Variants in ANGPTL3 observed in about 807,000 individuals in gnomAD.
ANGPTL3 encodes the protein angiopoietin-related protein 3.
ANGPTL3 carries 51 observed loss-of-function variants against 52.7 expected under a neutral mutation model. The observed-to-expected ratio is 0.97, with a 90% CI of 0.77 to 1.22. ANGPTL3 has a LOEUF of 1.22. Ranked by LOEUF, ANGPTL3 falls within the 50% of genes most tolerant of loss-of-function variation. The pLI is 0.00. For missense variants in ANGPTL3, 506 were observed against 520.7 expected (o/e 0.97, Z 0.27); for synonymous variants, 185 against 179.8 (o/e 1.03, Z -0.23).
At position 62,601,861 on chromosome 1, in the gene ANGPTL3, G is replaced by A; in HGVS notation, c.814G>A (p.Val272Ile). The part of the protein sequence containing the change: ...IRPSNSQVFH[V>I]YCDVISGSPW... ...ACCCAGCAACTCTCAAGTTTTTCAT[G>A]TCTACTGTGATGTTATATCAGGTAA... The change falls in exon 4 of 7, where the codon GTC becomes ATC. Residue 272 changes from valine (V) to isoleucine (I), a missense_variant. Val to Ile is a conservative substitution (Grantham distance 29). Coordinates refer to ENST00000371129, the MANE Select transcript of ANGPTL3 (RefSeq NM_014495.4). 6.2e-7 allele frequency: 1 copy of A among 1,608,366 alleles called. No individual in the cohort carries two copies. Among genetic ancestry groups the A allele is most frequent in the Non-Finnish European group, 8.5e-7 (1 of 1,175,772 alleles).
In ANGPTL3 at chr1:62,602,326, C is replaced by G. The variant is rs750916252; in HGVS notation, c.877C>G (p.Gln293Glu). 1 of 1,610,818 alleles carries G rather than the reference C, an allele frequency of 6.2e-7. No homozygotes were observed. The highest frequency in any genetic ancestry group is 1.1e-5 in the South Asian group (1 of 90,992). The change falls in exon 5 of 7, where the codon CAA becomes GAA. Residue 293 changes from glutamine (Q) to glutamate (E), a missense_variant. By Grantham distance (29) the Gln-to-Glu change is conservative. Transcript: ENST00000371129. ...AATTCAACATCGAATAGATGGATCA[C>G]AAAACTTCAATGAAACGTGGGAGAA... ...TLIQHRIDGS[Q>E]NFNETWENYK...
chr1:62,600,923 A>T lies in ANGPTL3; in HGVS notation c.607-159A>T, dbSNP rs140964112. The T allele has an allele frequency of 3.1e-5, 18 of 580,906 alleles. No homozygotes were observed. The Admixed American group carries it at 3.9e-4, about 13-fold the overall frequency. The allele number at this position is 580,906 out of a possible 1,614,324, so 36.0% of individuals were successfully genotyped here. A position where few individuals can be genotyped will look rare whatever the true frequency, so the allele number is the denominator to read the frequency against. ...CTGATTAAATATTTTGAGAACAGGT[A>T]ATCTGTACAATCTGAATAACACTGT... On this transcript the variant is annotated intron_variant, in intron 2 of 6. Coordinates refer to ENST00000371129, the MANE Select transcript of ANGPTL3 (RefSeq NM_014495.4).
At chr1:62,603,344 A>T (rs1650436583) in intron 5 of ANGPTL3, among the ~76,000 whole-genome samples, 1 of 151,770 alleles carries the variant, frequency 6.6e-6, no homozygotes, top group Non-Finnish European at 1.5e-5. Flanking sequence ...AATAAAAAGG[A>T]TTGTGATGAA....
intron 2 of ANGPTL3, among the ~76,000 whole-genome samples, chr1:62,599,529 C>A (rs1010650310): frequency 2.6e-5 from 4 of 152,028 alleles, no homozygotes; most frequent in Non-Finnish European, 4.4e-5. Flanking sequence ...TTTAACATAA[C>A]ATAAATTTTA....
rs771568326 is a variant in ANGPTL3 at position 62,604,078 on chromosome 1, T to G, written c.1041T>G (p.Tyr347Ter). 2.5e-6 allele frequency: 4 copies of G among 1,613,232 alleles called. No homozygotes were observed. In the African/African-American group the frequency reaches 5.3e-5, roughly 22 times the overall value. Residue 347 changes from tyrosine (Y) to a stop codon, truncating the protein, a stop_gained, in exon 6 of 7, where the codon TAT becomes TAG. Coordinates refer to ENST00000371129, the MANE Select transcript of ANGPTL3 (RefSeq NM_014495.4). LOFTEE classifies it high-confidence loss of function. ...DWKDNKHYIE[Y>*]SFYLGNHETN... ...AAGACAACAAACATTATATTGAATA[T>G]TCTTTTTACTTGGGAAATCACGAAA...
chr1:62,598,799 A>G lies in ANGPTL3; in HGVS notation c.599A>G (p.Glu200Gly). Reference protein sequence around the residue: ...NQQHSQIKEIENQLRRTSIQE... With the variant: ...NQQHSQIKEIGNQLRRTSIQE... The stretch of plus-strand genomic sequence containing the variant: ...CAGCATAGTCAAATAAAAGAAATAG[A>G]AAATCAGGTAAGTCAGTATTTTAAT... The change falls in exon 2 of 7, where the codon GAA (glutamate) becomes GGA (glycine). Residue 200 changes from glutamate to glycine, a missense_variant. Transcript: ENST00000371129. 1 of 1,578,230 alleles carries G rather than the reference A, an allele frequency of 6.3e-7. No individual in the cohort carries two copies. The highest frequency in any genetic ancestry group is 8.7e-7 in the Non-Finnish European group (1 of 1,148,042).
At chr1:62,598,841 C>A in intron 2 of ANGPTL3, 35 bp downstream of exon 2, 1 of 1,276,348 alleles carries the variant, frequency 7.8e-7, no homozygotes, top group Non-Finnish European at 1.1e-6. Flanking sequence ...TCCCATCTTT[C>A]ACACAGGTCT....
rs1307344614 is a variant in ANGPTL3 at position 62,601,870 on chromosome 1, G to T, written c.823G>T (p.Asp275Tyr). The T allele has an allele frequency of 6.2e-7, 1 of 1,605,920 alleles. No homozygotes were observed. Among genetic ancestry groups the T allele is most frequent in the South Asian group, 1.1e-5 (1 of 90,876 alleles). Residue 275 changes from aspartate to tyrosine, a missense_variant, in exon 4 of 7, where the codon GAT becomes TAT. Transcript: ENST00000371129. ...CTCTCAAGTTTTTCATGTCTACTGT[G>T]ATGTTATATCAGGTAAAACCTGTCT... Reference protein sequence around the residue: ...SNSQVFHVYCDVISGSPWTLI... With the variant: ...SNSQVFHVYCYVISGSPWTLI...
chr1:62,603,451 TA>T (rs1650457301), intron 5 of ANGPTL3, among the ~76,000 whole-genome samples: 1 of 151,816 alleles, frequency 6.6e-6, no homozygotes, highest in Admixed American at 6.6e-5. Context: ...CTTTTAAATT[TA>T]AAATGATTTT....
intron 2 of ANGPTL3, among the ~76,000 whole-genome samples, chr1:62,600,731 A>G (rs1433450119): frequency 6.6e-6 from 1 of 151,804 alleles, no homozygotes; most frequent in African/African-American, 2.4e-5. Context: ...GAAAATTATT[A>G]AACTTAAAAT....
chr1:62,604,609 A>G (rs751016555), intron 6 of ANGPTL3, 24 bp from the exon 7 acceptor site: 2 of 1,609,128 alleles, frequency 1.2e-6, no homozygotes, highest in Non-Finnish European at 1.7e-6. Flanking sequence ...TGTACCCATT[A>G]AATTGCATAT....
intron 6 of ANGPTL3, 180 bp downstream of exon 6, chr1:62,604,415 C>A: frequency 1.1e-6 from 1 of 896,344 alleles, no homozygotes; most frequent in Non-Finnish European, 1.7e-6. Context: ...AGGTATTTTA[C>A]CTCTAATCTT....
chr1:62,600,617 AGATATGTTTACAGG>A (rs1447170597), intron 2 of ANGPTL3, among the ~76,000 whole-genome samples: 1 of 151,872 alleles, frequency 6.6e-6, no homozygotes, highest in Non-Finnish European at 1.5e-5. Context: ...CAACATCTAC[AGATATGTTTACAGG>A]TCAAAAATTA....
intron 2 of ANGPTL3, among the ~76,000 whole-genome samples, chr1:62,600,727 T>G (rs1649986707): frequency 6.6e-6 from 1 of 151,748 alleles, no homozygotes; most frequent in South Asian, 2.1e-4. Context: ...AACTGAAAAT[T>G]ATTAAACTTA....
At chr1:62,602,242 C>A in intron 4 of ANGPTL3, 43 bp from the exon 5 acceptor site, 1 of 1,473,024 alleles carries the variant, frequency 6.8e-7, no homozygotes, top group Non-Finnish European at 9.5e-7. Context: ...CATCTGTCAA[C>A]ATAAATCTAC....
In ANGPTL3 at chr1:62,601,123, A is replaced by G. The variant is rs918815971; in HGVS notation, c.648A>G (p.Leu216=). The G allele has an allele frequency of 2.5e-6, 4 of 1,610,432 alleles. No homozygotes were observed. The highest frequency in any genetic ancestry group is 3.3e-5 in the Admixed American group (2 of 59,854). ...TSIQEPTEIS[L]SSKPRAPRTT... The stretch of plus-strand genomic sequence containing the variant: ...TTCAAGAACCCACAGAAATTTCTCT[A>G]TCTTCCAAGCCAAGAGCACCAAGAA... The change falls in exon 3 of 7, where the codon CTA becomes CTG. Residue 216 remains leucine, a synonymous_variant. Coordinates refer to ENST00000371129, the MANE Select transcript of ANGPTL3 (RefSeq NM_014495.4).
chr1:62,603,866 C>T (rs1416765211), intron 5 of ANGPTL3, 103 bp from the exon 6 acceptor site: 1 of 1,114,888 alleles, frequency 9.0e-7, no homozygotes, highest in Non-Finnish European at 1.3e-6. Flanking sequence ...GGATTCAAGA[C>T]TAAACAACTC....
chr1:62,603,351 TGAA>T (rs1387702503), intron 5 of ANGPTL3, among the ~76,000 whole-genome samples: 1 of 151,800 alleles, frequency 6.6e-6, no homozygotes, highest in Non-Finnish European at 1.5e-5. Flanking sequence ...AGGATTGTGA[TGAA>T]GAACAATCTA....
At chr1:62,602,690 T>G (rs1488328891) in intron 5 of ANGPTL3, among the ~76,000 whole-genome samples, 1 of 151,694 alleles carries the variant, frequency 6.6e-6, no homozygotes, top group Admixed American at 6.6e-5. Flanking sequence ...ATGTCATAAG[T>G]AGTAACTGTT....
Sources: gnomAD v4.1 joint callset for allele counts (sites outside exome capture counted in the v4.1 genomes callset) on GRCh38, gnomAD v4.1.1 for gene constraint, MANE v1.5 for transcripts, NCBI Gene and HGNC (gene_info 2026-07-23, HGNC 2026-07-21) for gene names.